RSPO1: variants seen among roughly 807,000 people sequenced by gnomAD.
RSPO1 encodes R-spondin-1.
A neutral mutation model predicts 26.0 loss-of-function variants in RSPO1; 18 were observed. The ratio of observed to expected loss-of-function variants is 0.69; its 90% confidence interval spans 0.48 to 1.03. The LOEUF (loss-of-function observed/expected upper bound fraction) is 1.03. RSPO1 is among the 50% of genes least tolerant of loss of function. RSPO1 has a pLI of 0.00. For synonymous variants in RSPO1, 133 were observed against 137.4 expected (o/e 0.97, Z 0.22); for missense variants, 309 against 352.3 (o/e 0.88, Z 0.98).
chr1:37,616,314 T>C (rs1234422306), intron 4 of RSPO1, among the ~76,000 whole-genome samples, 170 bp downstream of exon 4: 1 of 152,048 alleles, frequency 6.6e-6, no homozygotes, highest in Non-Finnish European at 1.5e-5. Context: ...AGGGTTCTGA[T>C]ATTTACACAC....
intron 3 of RSPO1, among the ~76,000 whole-genome samples, chr1:37,628,330 C>T (rs1644308487): frequency 1.3e-5 from 2 of 152,218 alleles, no homozygotes; most frequent in South Asian, 4.1e-4. Context: ...TTAAACCTAA[C>T]CGTCTCTAAT....
intron 3 of RSPO1, among the ~76,000 whole-genome samples, chr1:37,621,303 T>C (rs992210870): frequency 6.6e-6 from 1 of 150,490 alleles, no homozygotes; most frequent in Non-Finnish European, 1.5e-5. Context: ...CAGTGGGAGG[T>C]TTACAACAGG....
At position 37,612,047 on chromosome 1, in the gene RSPO1, T is replaced by TG. The variant is rs1407251651; in HGVS notation, c.*707dup. 6.5e-6 allele frequency: 1 copy of TG among 152,746 alleles called. No individual in the cohort carries two copies. Among genetic ancestry groups the TG allele is most frequent in the Non-Finnish European group, 1.5e-5 (1 of 68,482 alleles). The allele number at this position is 152,746 out of a possible 1,614,324, so 9.5% of individuals were successfully genotyped here. A position where few individuals can be genotyped will look rare whatever the true frequency, so the allele number is the denominator to read the frequency against. On this transcript the variant is annotated 3_prime_UTR_variant, in exon 7 of 7. Coordinates refer to ENST00000356545, the MANE Select transcript of RSPO1 (RefSeq NM_001242908.2). Reference sequence around the variant, plus strand: ...ATGACCCTCTACTGAGCAGGCTATTTGGGGTCTCTTGAAATTCCCTGTCCC... The same window carrying TG: ...ATGACCCTCTACTGAGCAGGCTATTTGGGGGTCTCTTGAAATTCCCTGTCCC...
chr1:37,624,588 A>C (rs910591934), intron 3 of RSPO1, among the ~76,000 whole-genome samples: 1 of 151,850 alleles, frequency 6.6e-6, no homozygotes, highest in Admixed American at 6.6e-5. Context: ...CATCCTACGC[A>C]AAGCCCTTTT....
rs776875422 is a variant in RSPO1 at position 37,613,668 on chromosome 1, A to G, written c.625+36T>C. 4 of 1,574,014 alleles carry G rather than the reference A, an allele frequency of 2.5e-6. No homozygotes were observed. The highest frequency in any genetic ancestry group is 1.1e-5 in the South Asian group (1 of 89,526). On this transcript the variant is annotated intron_variant, in intron 6 of 6. Coordinates refer to ENST00000356545, the MANE Select transcript of RSPO1 (RefSeq NM_001242908.2). This position sits in a 1 kb window ranked among gnomAD's most constrained non-coding sequence, Gnocchi z 4.5. ...CAGGACCTGTCATGGCTGGTGCCTG[A>G]GCCCTGACCCCAGGGAGGCAGAGGC...
intron 3 of RSPO1, among the ~76,000 whole-genome samples, chr1:37,616,975 C>A (rs1644123687): frequency 6.6e-6 from 1 of 152,212 alleles, no homozygotes; most frequent in Non-Finnish European, 1.5e-5. Flanking sequence ...AAGCTGCAGC[C>A]TTCCTGGAAT....
chr1:37,613,574 A>T lies in RSPO1; in HGVS notation c.625+130T>A, dbSNP rs1219687173. 6.8e-6 allele frequency: 5 copies of T among 738,700 alleles called. No homozygotes were observed. Among genetic ancestry groups the T allele is most frequent in the Non-Finnish European group, 1.2e-5 (5 of 420,050 alleles). The allele number at this position is 738,700 out of a possible 1,614,324, so 45.8% of individuals were successfully genotyped here. ...CTGGATTGGACAGCATGAGGTCTTG[A>T]GTTGCGGGTGCCCCATCTGGCCTTG... On this transcript the variant is annotated intron_variant, in intron 6 of 6. Transcript: ENST00000356545. The surrounding 1 kb of genome is among the most constrained non-coding windows in gnomAD (Gnocchi z 4.5).
intron 3 of RSPO1, among the ~76,000 whole-genome samples, chr1:37,618,960 G>T (rs944817287): frequency 6.6e-6 from 1 of 152,148 alleles, no homozygotes; most frequent in South Asian, 2.1e-4. Flanking sequence ...AGTAGCTCAC[G>T]CCTAGAATCC....
intron 4 of RSPO1, among the ~76,000 whole-genome samples, chr1:37,614,652 A>C (rs1644084836): frequency 1.3e-5 from 2 of 151,890 alleles, no homozygotes; most frequent in Non-Finnish European, 2.9e-5. Context: ...TCAGAGGCGG[A>C]GGGTGGGGCC....
At chr1:37,619,937 C>CG (rs1644175244) in intron 3 of RSPO1, among the ~76,000 whole-genome samples, 3 of 151,922 alleles carry the variant, frequency 2.0e-5, no homozygotes, top group Admixed American at 2.0e-4. Flanking sequence ...TTAGTAGAGA[C>CG]GGGGTTTCAC....
Position 37,616,678 on chromosome 1 carries a change from G to T in RSPO1, c.95-3C>A. The T allele has an allele frequency of 6.2e-7, 1 of 1,613,820 alleles. No individual in the cohort carries two copies. The highest frequency in any genetic ancestry group is 8.5e-7 in the Non-Finnish European group (1 of 1,179,912). On this transcript the variant is annotated splice_polypyrimidine_tract_variant and splice_region_variant and intron_variant, in intron 3 of 6. Coordinates refer to ENST00000356545, the MANE Select transcript of RSPO1 (RefSeq NM_001242908.2). ...GGCCTGGCTCCCCTCGGCACTGACT[G>T]CAAAGGTGGAGCAGGCATGAGAAGG...
intron 3 of RSPO1, among the ~76,000 whole-genome samples, chr1:37,627,865 G>C (rs962234819): frequency 3.3e-5 from 5 of 152,008 alleles, no homozygotes; most frequent in African/African-American, 1.2e-4. Context: ...CCCCACCCTT[G>C]CCTCTTACCA....
At chr1:37,628,763 G>A (rs1217030094) in intron 3 of RSPO1, among the ~76,000 whole-genome samples, 1 of 152,194 alleles carries the variant, frequency 6.6e-6, no homozygotes, top group African/African-American at 2.4e-5. Flanking sequence ...AGAAGACTGG[G>A]CCCACAGGCA....
In RSPO1 at chr1:37,616,562, G is replaced by C; in HGVS notation, c.208C>G (p.Arg70Gly). The C allele has an allele frequency of 6.2e-7, 1 of 1,614,228 alleles. No homozygotes were observed. Among genetic ancestry groups the C allele is most frequent in the Non-Finnish European group, 8.5e-7 (1 of 1,180,044 alleles). ...LFILLERNDI[R>G]QVGVCLPSCP... ...GACGGCAAGCAGACGCCCACCTGGCGGATGTCGTTCCTCTCCAGCAGGATG... is the reference window on the plus strand; with the variant it reads ...GACGGCAAGCAGACGCCCACCTGGCCGATGTCGTTCCTCTCCAGCAGGATG... The change falls in exon 4 of 7, where the codon CGC (arginine) becomes GGC (glycine). Residue 70 changes from arginine (R) to glycine (G), a missense_variant. Arg to Gly is a moderately radical substitution (Grantham distance 125, BLOSUM62 -2). Coordinates refer to ENST00000356545, the MANE Select transcript of RSPO1 (RefSeq NM_001242908.2).
intron 3 of RSPO1, among the ~76,000 whole-genome samples, chr1:37,624,688 C>A (rs1293423522): frequency 2.6e-5 from 4 of 152,186 alleles, no homozygotes; most frequent in African/African-American, 9.7e-5. Context: ...CCCCTCCCCG[C>A]TAGGGGCTTC....
chr1:37,633,413 G>T (rs1644387668), intron 1 of RSPO1, among the ~76,000 whole-genome samples: 1 of 152,200 alleles, frequency 6.6e-6, no homozygotes, highest in Non-Finnish European at 1.5e-5. Flanking sequence ...GAGTATACAG[G>T]TCGGGGAGGG....
chr1:37,616,763 G>A (rs768288462), intron 3 of RSPO1, 88 bp from the exon 4 acceptor site: 8 of 1,217,848 alleles, frequency 6.6e-6, no homozygotes, highest in East Asian at 2.3e-5. Context: ...TGAATAGATC[G>A]ATGTTTCCTT....
chr1:37,612,526 G>T lies in RSPO1; in HGVS notation c.*229C>A. On this transcript the variant is annotated 3_prime_UTR_variant, in exon 7 of 7. Coordinates refer to ENST00000356545, the MANE Select transcript of RSPO1 (RefSeq NM_001242908.2). Reference sequence around the variant, plus strand: ...TGTGTGTGTGTGTGTGTGTGTATGTGTGTGTGTGGTGTCTGTGTCTGCGTG... The same window carrying T: ...TGTGTGTGTGTGTGTGTGTGTATGTTTGTGTGTGGTGTCTGTGTCTGCGTG... 1.7e-6 allele frequency: 1 copy of T among 589,544 alleles called. No homozygotes were observed. 36.5% of individuals were successfully genotyped at this position (589,544 alleles called of 1,614,324 possible).
At chr1:37,631,675 A>G (rs1049892792) in intron 2 of RSPO1, among the ~76,000 whole-genome samples, 3 of 152,246 alleles carry the variant, frequency 2.0e-5, no homozygotes, top group African/African-American at 7.2e-5. Flanking sequence ...ATTGTTGTTT[A>G]TAACTTAAAT....
Sources: gnomAD v4.1 joint callset for allele counts (sites outside exome capture counted in the v4.1 genomes callset) on GRCh38, gnomAD v4.1.1 for gene constraint, Gnocchi (gnomAD v3.1) non-coding constraint, MANE v1.5 for transcripts, NCBI Gene and HGNC (gene_info 2026-07-23, HGNC 2026-07-21) for gene names.